Variants in OCIAD1 observed in about 807,000 individuals in gnomAD.
OCIAD1 encodes the protein OCIA domain containing 1.
A neutral mutation model predicts 38.9 loss-of-function variants in OCIAD1; 29 were observed. The observed-to-expected ratio is 0.74, with a 90% CI of 0.55 to 1.02. The LOEUF (loss-of-function observed/expected upper bound fraction) is 1.02, where lower values mean the gene tolerates loss of function less well. Among genes scored for constraint, OCIAD1 ranks in the 50% least tolerant of loss-of-function variants. The probability of loss-of-function intolerance (pLI) is 0.00; values close to 1 mark genes in which losing one functional copy is unlikely to be tolerated. For missense variants in OCIAD1, 288 were observed against 289.6 expected (o/e 0.99, Z 0.04); for synonymous variants, 110 against 92.0 (o/e 1.20, Z -1.12).
At chr4:48,831,619 C>G (rs1777508533) in intron 1 of OCIAD1, 1 of 1,116,170 alleles carries the variant, frequency 9.0e-7, no homozygotes. Context: ...AGCGCCGTGT[C>G]AGCCCTGACA....
chr4:48,805,836 C>G (rs911743715), intron 1 of OCIAD1, among the ~76,000 whole-genome samples: 2 of 152,054 alleles, frequency 1.3e-5, no homozygotes, highest in South Asian at 2.1e-4. Context: ...ATGAATTATA[C>G]AGTTATATGC....
chr4:48,813,080 C>T (rs1777107435), intron 1 of OCIAD1, among the ~76,000 whole-genome samples: 2 of 152,210 alleles, frequency 1.3e-5, no homozygotes, highest in African/African-American at 4.8e-5. Context: ...AAGAATTCCA[C>T]AGGCTCTTGT....
At chr4:48,850,864 T>G (rs184230860) in intron 6 of OCIAD1, among the ~76,000 whole-genome samples, 15 of 152,318 alleles carry the variant, frequency 9.8e-5, no homozygotes, top group Admixed American at 7.2e-4. Context: ...CGTGAGCCAC[T>G]GCATCTGGCC....
intron 6 of OCIAD1, among the ~76,000 whole-genome samples, chr4:48,850,462 C>T (rs1275901810): frequency 6.6e-6 from 1 of 152,192 alleles, no homozygotes; most frequent in Admixed American, 6.5e-5. Flanking sequence ...ATGGGGGTCT[C>T]ACTATGTTGC....
intron 6 of OCIAD1, among the ~76,000 whole-genome samples, chr4:48,850,853 G>A (rs532465309): frequency 1.3e-5 from 2 of 152,348 alleles, no homozygotes; most frequent in African/African-American, 4.8e-5. Flanking sequence ...GGGATTACAG[G>A]CGTGAGCCAC....
chr4:48,860,789 G>A lies in OCIAD1; in HGVS notation c.*27G>A, dbSNP rs1780540653. Reference sequence around the variant, plus strand: ...AAATTACATCATTGGACATGAAGGAGTTTCAACATCCAGCTTCATCTAGGT... The same window carrying A: ...AAATTACATCATTGGACATGAAGGAATTTCAACATCCAGCTTCATCTAGGT... On this transcript the variant is annotated 3_prime_UTR_variant, in exon 9 of 9. Coordinates refer to ENST00000264312, the MANE Select transcript of OCIAD1 (RefSeq NM_017830.4). 1 of 1,565,576 alleles carries A rather than the reference G, an allele frequency of 6.4e-7. No individual in the cohort carries two copies. Among genetic ancestry groups the A allele is most frequent in the South Asian group, 1.1e-5 (1 of 89,126 alleles).
At chr4:48,839,100 T>C (rs1430310063) in intron 3 of OCIAD1, among the ~76,000 whole-genome samples, 1 of 152,194 alleles carries the variant, frequency 6.6e-6, no homozygotes, top group African/African-American at 2.4e-5. Flanking sequence ...TAATATTTCA[T>C]ATATGTGTAC....
At chr4:48,848,160 A>G (rs1252674784) in intron 4 of OCIAD1, among the ~76,000 whole-genome samples, 3 of 151,730 alleles carry the variant, frequency 2.0e-5, no homozygotes, top group Non-Finnish European at 4.4e-5. Flanking sequence ...TATTTGGTCT[A>G]TTGACCTTAC....
intron 1 of OCIAD1, among the ~76,000 whole-genome samples, chr4:48,809,979 G>C (rs1777068945): frequency 6.6e-6 from 1 of 152,142 alleles, no homozygotes; most frequent in African/African-American, 2.4e-5. Flanking sequence ...GTGACATTGA[G>C]TGTGCTTCTT....
Position 48,860,813 on chromosome 4 carries a change from G to A in OCIAD1, c.*51G>A. 1 of 1,355,274 alleles carries A rather than the reference G, an allele frequency of 7.4e-7. No individual in the cohort carries two copies. Among genetic ancestry groups the A allele is most frequent in the Non-Finnish European group, 1.1e-6 (1 of 947,370 alleles). The allele number at this position is 1,355,274 out of a possible 1,614,324, so 84.0% of individuals were successfully genotyped here. A position where few individuals can be genotyped will look rare whatever the true frequency, so the allele number is the denominator to read the frequency against. ...AGTTTCAACATCCAGCTTCATCTAG[G>A]TGGTCATGATTACCTGCATGCTTTG... On this transcript the variant is annotated 3_prime_UTR_variant, in exon 9 of 9. Coordinates refer to ENST00000264312, the MANE Select transcript of OCIAD1 (RefSeq NM_017830.4).
intron 7 of OCIAD1, chr4:48,855,967 T>C (rs1318790418): frequency 2.6e-5 from 4 of 152,226 alleles, no homozygotes; most frequent in Non-Finnish European, 5.9e-5. Flanking sequence ...TAAAAGTATA[T>C]GCCCAATTTG....
intron 1 of OCIAD1, chr4:48,831,511 C>T (rs1283183999): frequency 1.4e-5 from 18 of 1,290,534 alleles, no homozygotes; most frequent in Non-Finnish European, 1.6e-5. Context: ...GAGACGGACA[C>T]TGGGTGGAGG....
chr4:48,838,478 T>G (rs1778213518), intron 3 of OCIAD1, among the ~76,000 whole-genome samples: 1 of 152,192 alleles, frequency 6.6e-6, no homozygotes, highest in Non-Finnish European at 1.5e-5. Flanking sequence ...AAGGTGTTGT[T>G]GCATATTATA....
chr4:48,859,453 A>C (rs551780109), intron 8 of OCIAD1, among the ~76,000 whole-genome samples: 185 of 152,274 alleles, frequency 1.2e-3, no homozygotes, highest in African/African-American at 2.9e-3. Flanking sequence ...TCTGCATAGC[A>C]TAGTACTTTA....
chr4:48,817,601 G>A (rs183639298), intron 1 of OCIAD1, among the ~76,000 whole-genome samples: 1 of 152,336 alleles, frequency 6.6e-6, no homozygotes, highest in Admixed American at 6.5e-5. Context: ...CTGGAAAGGG[G>A]GCTGAAGCCA....
Position 48,860,880 on chromosome 4 carries a change from C to T in OCIAD1, c.*118C>T. ...TCATAAACACATTTAAAACAAGATCCTGGGTTTTTGTGGTTTGACTTCTAT... is the reference window on the plus strand; with the variant it reads ...TCATAAACACATTTAAAACAAGATCTTGGGTTTTTGTGGTTTGACTTCTAT... On this transcript the variant is annotated 3_prime_UTR_variant, in exon 9 of 9. Transcript: ENST00000264312. The T allele has an allele frequency of 2.6e-6, 2 of 778,446 alleles. No individual in the cohort carries two copies. The highest frequency in any genetic ancestry group is 2.4e-5 in the Admixed American group (1 of 41,714). 48.2% of individuals were successfully genotyped at this position (778,446 alleles called of 1,614,324 possible).
In OCIAD1 at chr4:48,832,635, G is replaced by A; in HGVS notation, c.11G>A (p.Arg4Lys). Reference sequence around the variant, plus strand: ...TTTGATACAGGAAAGATGAATGGGAGGGCTGATTTTCGAGAGCCGAATGCA... The same window carrying A: ...TTTGATACAGGAAAGATGAATGGGAAGGCTGATTTTCGAGAGCCGAATGCA... MNG[R>K]ADFREPNAEV... The change falls in exon 2 of 9, where the codon AGG becomes AAG. Residue 4 changes from arginine to lysine, a missense_variant. Transcript: ENST00000264312. The A allele has an allele frequency of 6.2e-7, 1 of 1,612,742 alleles. No individual in the cohort carries two copies. Among genetic ancestry groups the A allele is most frequent in the Non-Finnish European group, 8.5e-7 (1 of 1,178,780 alleles).
Position 48,860,779 on chromosome 4 carries a change from A to C in OCIAD1, c.*17A>C, listed in dbSNP as rs1311753742. 5.6e-6 allele frequency: 9 copies of C among 1,593,204 alleles called. No individual in the cohort carries two copies. Among genetic ancestry groups the C allele is most frequent in the Non-Finnish European group, 7.7e-6 (9 of 1,162,336 alleles). On this transcript the variant is annotated 3_prime_UTR_variant, in exon 9 of 9. Coordinates refer to ENST00000264312, the MANE Select transcript of OCIAD1 (RefSeq NM_017830.4). Reference sequence around the variant, plus strand: ...GATGAGTGAAAAATTACATCATTGGACATGAAGGAGTTTCAACATCCAGCT... The same window carrying C: ...GATGAGTGAAAAATTACATCATTGGCCATGAAGGAGTTTCAACATCCAGCT...
rs368085944 is a variant in OCIAD1, at chr4:48,849,377, GTCTT to G, written c.242-567_242-564del. On this transcript the variant is annotated intron_variant, in intron 5 of 8. Transcript: ENST00000264312. ...AAGAAGTACCTGAGGCTTTTCATGA[GTCTT>G]TCAGGTTAGCCTTTCTTTTCTATTT... 7.9e-5 allele frequency among the ~76,000 whole-genome samples: 12 copies of G among 152,238 alleles called. No homozygotes were observed. In the East Asian group the frequency reaches 9.6e-4, roughly 12 times the overall value.
Sources: allele counts gnomAD v4.1 joint callset (sites outside exome capture counted in the v4.1 genomes callset), GRCh38; gene constraint gnomAD v4.1.1; transcripts MANE v1.5; gene names NCBI Gene and HGNC (gene_info 2026-07-23, HGNC 2026-07-21).